CEP85L: variants seen among roughly 807,000 people sequenced by gnomAD.
CEP85L encodes the protein centrosomal protein 85L.
CEP85L carries 60 observed loss-of-function variants against 100.3 expected under a neutral mutation model. The observed-to-expected ratio is 0.60, with a 90% CI of 0.49 to 0.74. The LOEUF (loss-of-function observed/expected upper bound fraction) is 0.74, where lower values mean the gene tolerates loss of function less well. Ranked by LOEUF, CEP85L falls within the 30% of genes least tolerant of loss-of-function variation. The pLI is 0.00. For missense variants in CEP85L, 973 were observed against 936.2 expected (o/e 1.04, Z -0.51); for synonymous variants, 319 against 322.7 (o/e 0.99, Z 0.12).
intron 2 of CEP85L, among the ~76,000 whole-genome samples, chr6:118,609,005 C>T (rs1772431328): frequency 6.6e-6 from 1 of 152,172 alleles, no homozygotes; most frequent in African/African-American, 2.4e-5. Context: ...GGAGAATAAA[C>T]TAATTCTAGG....
chr6:118,599,897 A>G (rs1184928521), intron 2 of CEP85L, among the ~76,000 whole-genome samples: 1 of 152,180 alleles, frequency 6.6e-6, no homozygotes, highest in African/African-American at 2.4e-5. Flanking sequence ...GAAAAATAGG[A>G]AGAGAATGAG....
chr6:118,620,364 G>A (rs539824428), intron 2 of CEP85L, among the ~76,000 whole-genome samples: 109 of 152,284 alleles, frequency 7.2e-4, no homozygotes, highest in African/African-American at 2.4e-3. Context: ...GAGAAAGACC[G>A]CAGCCTTGGT....
intron 2 of CEP85L, among the ~76,000 whole-genome samples, chr6:118,611,097 A>C (rs988992190): frequency 6.6e-6 from 1 of 152,192 alleles, no homozygotes; most frequent in African/African-American, 2.4e-5. Context: ...AAAAAACACA[A>C]GAAACAAAAT....
At chr6:118,501,879 A>C (rs1447016921) in intron 5 of CEP85L, 2 of 1,277,960 alleles carry the variant, frequency 1.6e-6, no homozygotes, top group Non-Finnish European at 2.2e-6. Flanking sequence ...CCCAGCAAAG[A>C]AAATAAAAAG....
intron 1 of CEP85L, among the ~76,000 whole-genome samples, chr6:118,701,020 C>T (rs1159823761): frequency 6.6e-6 from 1 of 152,168 alleles, no homozygotes; most frequent in Non-Finnish European, 1.5e-5. Context: ...GAGCATAACG[C>T]TTCCTATGTA....
intron 1 of CEP85L, among the ~76,000 whole-genome samples, chr6:118,633,058 AT>A (rs138238916): frequency 1.6e-4 from 24 of 152,042 alleles, no homozygotes; most frequent in African/African-American, 4.6e-4. Flanking sequence ...AAAACAATCC[AT>A]TTTTTTCTGC....
At chr6:118,709,042 A>G (rs1157315677) in intron 1 of CEP85L, among the ~76,000 whole-genome samples, 5 of 152,198 alleles carry the variant, frequency 3.3e-5, no homozygotes, top group African/African-American at 1.2e-4. Flanking sequence ...AATAGCCCCG[A>G]TTTTGTACCT....
intron 2 of CEP85L, among the ~76,000 whole-genome samples, chr6:118,611,098 G>C (rs78969520): frequency 0.027 from 4,108 of 152,078 alleles, 186 homozygotes; most frequent in African/African-American, 0.093. Context: ...AAAAACACAA[G>C]AAACAAAATT....
At chr6:118,479,984 AT>A in intron 9 of CEP85L, 63 bp from the exon 10 acceptor site, 1 of 838,420 alleles carries the variant, frequency 1.2e-6, no homozygotes, top group Non-Finnish European at 1.9e-6. Flanking sequence ...AAGTACCAAC[AT>A]TTCAAGAAAA....
intron 3 of CEP85L, among the ~76,000 whole-genome samples, chr6:118,539,619 GGA>G (rs1336456759): frequency 2.6e-5 from 4 of 151,850 alleles, no homozygotes; most frequent in Non-Finnish European, 5.9e-5. Context: ...TTAAGTTCCG[GGA>G]TACATGTGAA....
intron 3 of CEP85L, among the ~76,000 whole-genome samples, chr6:118,531,236 A>T (rs1777272953): frequency 6.6e-6 from 1 of 152,184 alleles, no homozygotes; most frequent in African/African-American, 2.4e-5. Context: ...ATCAACGTCA[A>T]CAAAAACAAT....
At chr6:118,533,272 A>G (rs1777392072) in intron 3 of CEP85L, among the ~76,000 whole-genome samples, 1 of 152,206 alleles carries the variant, frequency 6.6e-6, no homozygotes, top group South Asian at 2.1e-4. Context: ...GCAAGTTATT[A>G]GGGAGTAAAA....
At chr6:118,603,457 C>G (rs927851650) in intron 2 of CEP85L, among the ~76,000 whole-genome samples, 1 of 152,202 alleles carries the variant, frequency 6.6e-6, no homozygotes, top group East Asian at 1.9e-4. Context: ...TCTTACTGCA[C>G]CTATGCAAAT....
At chr6:118,603,057 T>C (rs60037230) in intron 2 of CEP85L, among the ~76,000 whole-genome samples, 2 of 152,220 alleles carry the variant, frequency 1.3e-5, no homozygotes, top group African/African-American at 4.8e-5. Flanking sequence ...CCTGACCTCA[T>C]GATCCACCCA....
rs772981948 is a variant in CEP85L at position 118,565,891 on chromosome 6, T to C, written c.658A>G (p.Lys220Glu). The change falls in exon 3 of 13, where the codon AAA becomes GAA. Residue 220 changes from lysine (K) to glutamate (E), a missense_variant. Around this residue, in one of 3 missense-constraint regions of CEP85L, gnomAD observed 890 missense variants for 844.5 expected, o/e 1.05. Transcript: ENST00000368491. ...CAGTCCAGAGTTGATGACCGTTTTT[T>C]ATTTATTTCCTTGTCCTCTAACCTA... ...MLRLEDKEIN[K>E]KRSSTLDCKY... is the part of the protein sequence containing the mutation. 7 of 1,614,030 alleles carry C rather than the reference T, an allele frequency of 4.3e-6. No homozygotes were observed. The highest frequency in any genetic ancestry group is 1.3e-5 in the African/African-American group (1 of 74,940).
At chr6:118,515,231 T>C (rs771763562) in intron 4 of CEP85L, among the ~76,000 whole-genome samples, 3 of 152,096 alleles carry the variant, frequency 2.0e-5, no homozygotes, top group South Asian at 2.1e-4. Context: ...TCTAAATACA[T>C]GAAGCAAAAA....
At position 118,465,428 on chromosome 6, in the gene CEP85L, C is replaced by T. The variant is rs1267130739; in HGVS notation, c.2395G>A (p.Gly799Arg). 6.2e-7 allele frequency: 1 copy of T among 1,613,198 alleles called. No individual in the cohort carries two copies. Among genetic ancestry groups the T allele is most frequent in the Non-Finnish European group, 8.5e-7 (1 of 1,179,482 alleles). The change falls in exon 13 of 13, where the codon GGA (glycine) becomes AGA (arginine). Residue 799 changes from glycine (G) to arginine (R), a missense_variant. Physicochemically the swap from Gly to Arg is moderately radical, Grantham distance 125 (BLOSUM62 -2). This residue lies in a region of CEP85L where 890 missense variants were observed against 844.5 expected (regional missense o/e 1.05). Coordinates refer to ENST00000368491, the MANE Select transcript of CEP85L (RefSeq NM_001042475.3). The part of the protein sequence containing the change: ...TISDRYAQDM[G>R]DNCITQ ...GATCACTGAGTAATGCAGTTGTCTC[C>T]CATGTCCTGAGCATAGCGGTCTGAT...
chr6:118,628,761 A>C (rs1326638068), intron 2 of CEP85L, among the ~76,000 whole-genome samples: 1 of 152,202 alleles, frequency 6.6e-6, no homozygotes, highest in African/African-American at 2.4e-5. Flanking sequence ...TCACAACCCT[A>C]AATGTAAAAC....
At chr6:118,521,847 G>C (rs1310287104) in intron 4 of CEP85L, among the ~76,000 whole-genome samples, 1 of 152,000 alleles carries the variant, frequency 6.6e-6, no homozygotes, top group East Asian at 1.9e-4. Flanking sequence ...AGCCAAATGA[G>C]CAACTTGAGT....
Sources: gnomAD v4.1 joint callset for allele counts (sites outside exome capture counted in the v4.1 genomes callset) on GRCh38, gnomAD v4.1.1 for gene constraint, gnomAD v4.1.1 regional missense constraint, MANE v1.5 for transcripts, NCBI Gene and HGNC (gene_info 2026-07-23, HGNC 2026-07-21) for gene names.